The following SCAI variants were observed in gnomAD, a reference collection of about 807,000 sequenced individuals.
The protein encoded by SCAI is protein SCAI.
In SCAI, 24 loss-of-function variants were observed where a neutral mutation model predicts 92.2. That is an observed-to-expected ratio of 0.26 (90% confidence interval 0.19 to 0.37). SCAI has a LOEUF of 0.37. SCAI is among the 10% of genes least tolerant of loss of function. The pLI, the probability that SCAI is intolerant of heterozygous loss-of-function variation, is 1.00. For missense variants in SCAI, 450 were observed against 736.2 expected (o/e 0.61, Z 4.50); for synonymous variants, 261 against 258.6 (o/e 1.01, Z -0.09).
intron 2 of SCAI, among the ~76,000 whole-genome samples, chr9:125,138,342 A>C (rs1379680703): frequency 2.2e-5 from 3 of 136,560 alleles, no homozygotes; most frequent in East Asian, 4.3e-4. Context: ...TGCAACCTCC[A>C]CTTCCTGGGT....
chr9:125,036,455 G>A (rs569525904), intron 3 of SCAI, among the ~76,000 whole-genome samples: 2 of 152,154 alleles, frequency 1.3e-5, no homozygotes, highest in African/African-American at 4.8e-5. Context: ...AGAAATGAAA[G>A]TAAATGCCAG....
intron 2 of SCAI, among the ~76,000 whole-genome samples, chr9:125,139,746 G>T (rs774079037): frequency 2.6e-5 from 4 of 152,156 alleles, no homozygotes; most frequent in Non-Finnish European, 4.4e-5. Flanking sequence ...TTACAAGATC[G>T]ATTTGCACAG....
chr9:125,032,136 C>G (rs1009943963), intron 3 of SCAI, among the ~76,000 whole-genome samples: 1 of 141,290 alleles, frequency 7.1e-6, no homozygotes, highest in Non-Finnish European at 1.5e-5. Flanking sequence ...ATATTTAGAA[C>G]AGAGAAAACA....
At chr9:125,066,203 A>T in intron 2 of SCAI, 1 of 512,116 alleles carries the variant, frequency 2.0e-6, no homozygotes, top group Non-Finnish European at 3.4e-6. Flanking sequence ...TCTGGATAAA[A>T]GGTCAACACA....
chr9:125,042,857 G>GGTTTTGTTTTTTTTTTTTT (rs1564390540), intron 3 of SCAI, among the ~76,000 whole-genome samples: 1 of 115,900 alleles, frequency 8.6e-6, no homozygotes, highest in African/African-American at 3.4e-5. Context: ...CTGCTCCCTG[G>GGTTTTGTTTTTTTTTTTTT]CTTTTTTTTT....
At chr9:125,135,963 A>G (rs1835512753) in intron 2 of SCAI, among the ~76,000 whole-genome samples, 1 of 140,786 alleles carries the variant, frequency 7.1e-6, no homozygotes, top group South Asian at 2.3e-4. Context: ...GCAAAACTCC[A>G]TCTCAAACAA....
intron 7 of SCAI, among the ~76,000 whole-genome samples, chr9:125,019,727 T>A (rs185848856): frequency 2.6e-4 from 39 of 152,148 alleles, no homozygotes; most frequent in Middle Eastern, 3.4e-3. Context: ...TAACTGGGTA[T>A]AAAGGAAGGT....
At chr9:125,072,871 CCT>C (rs1834004352) in intron 2 of SCAI, among the ~76,000 whole-genome samples, 1 of 152,116 alleles carries the variant, frequency 6.6e-6, no homozygotes. Flanking sequence ...GTATTTCCTT[CCT>C]TTTTAAGGCT....
chr9:125,054,628 C>G (rs1425574124), intron 3 of SCAI, among the ~76,000 whole-genome samples: 1 of 151,082 alleles, frequency 6.6e-6, no homozygotes, highest in Non-Finnish European at 1.5e-5. Context: ...CCAGGCATAC[C>G]AAGGAAAACT....
intron 17 of SCAI, among the ~76,000 whole-genome samples, chr9:124,962,991 G>A (rs979225421): frequency 1.3e-5 from 2 of 151,376 alleles, no homozygotes; most frequent in Non-Finnish European, 2.9e-5. Context: ...TAGAGATGGG[G>A]TTTCACCATG....
intron 17 of SCAI, among the ~76,000 whole-genome samples, chr9:124,969,408 C>T (rs935507575): frequency 6.6e-6 from 1 of 151,788 alleles, no homozygotes; most frequent in African/African-American, 2.4e-5. Flanking sequence ...TATTTAAAAC[C>T]TCAATGAAGT....
intron 2 of SCAI, among the ~76,000 whole-genome samples, chr9:125,096,395 G>A (rs941472665): frequency 6.6e-6 from 1 of 152,144 alleles, no homozygotes; most frequent in Non-Finnish European, 1.5e-5. Flanking sequence ...GATTTGGGTG[G>A]GGACACAGGC....
intron 3 of SCAI, among the ~76,000 whole-genome samples, chr9:125,052,222 A>C (rs1833574258): frequency 6.6e-6 from 1 of 152,212 alleles, no homozygotes; most frequent in African/African-American, 2.4e-5. Flanking sequence ...AAGAATGATA[A>C]GTTTAACTTT....
intron 9 of SCAI, among the ~76,000 whole-genome samples, chr9:125,006,523 G>A (rs541020688): frequency 1.0e-3 from 152 of 152,222 alleles, no homozygotes; most frequent in African/African-American, 3.5e-3. Flanking sequence ...ACGGAGTCTC[G>A]CTCTGTCACC....
At chr9:124,975,658 C>CT (rs1201969401) in intron 15 of SCAI, among the ~76,000 whole-genome samples, 2 of 152,176 alleles carry the variant, frequency 1.3e-5, no homozygotes, top group Non-Finnish European at 2.9e-5. Context: ...AAAAGAAACA[C>CT]TTTAAGTTGT....
intron 14 of SCAI, among the ~76,000 whole-genome samples, chr9:124,988,582 T>C (rs911079621): frequency 4.0e-5 from 6 of 151,312 alleles, no homozygotes; most frequent in African/African-American, 9.7e-5. Context: ...GAAAGGAAAA[T>C]AGACAAATGA....
chr9:124,963,825 A>G (rs1199643004), intron 17 of SCAI, among the ~76,000 whole-genome samples: 1 of 150,996 alleles, frequency 6.6e-6, no homozygotes. Context: ...TTTACTATTC[A>G]TTAAATGGAA....
intron 11 of SCAI, among the ~76,000 whole-genome samples, chr9:125,002,488 G>GTTTTTTTTTTTTTGT (rs58586769): frequency 8.0e-6 from 1 of 125,106 alleles, no homozygotes; most frequent in Admixed American, 8.8e-5. Context: ...TTTTTAGTCT[G>GTTTTTTTTTTTTTGT]TTTTTTTTTT....
chr9:125,131,121 T>C (rs1009618050), intron 2 of SCAI, among the ~76,000 whole-genome samples: 4 of 151,734 alleles, frequency 2.6e-5, no homozygotes, highest in Admixed American at 1.3e-4. Context: ...AAAAAATTAT[T>C]AGCACTGGGC....
Sources: allele counts gnomAD v4.1 joint callset (sites outside exome capture counted in the v4.1 genomes callset), GRCh38; gene constraint gnomAD v4.1.1; transcripts MANE v1.5; gene names NCBI Gene and HGNC (gene_info 2026-07-23, HGNC 2026-07-21).